TGFBR2: variants seen among roughly 807,000 people sequenced by gnomAD.
TGFBR2 encodes the protein transforming growth factor beta receptor 2, also known as TGF-beta receptor type-2.
In TGFBR2, 18 loss-of-function variants were observed where a neutral mutation model predicts 49.0. The ratio of observed to expected loss-of-function variants is 0.37; its 90% CI spans 0.25 to 0.54. The LOEUF (loss-of-function observed/expected upper bound fraction) is 0.54, where lower values mean the gene tolerates loss of function less well. Ranked by LOEUF, TGFBR2 falls within the 20% of genes least tolerant of loss-of-function variation. The pLI, the probability that TGFBR2 is intolerant of heterozygous loss-of-function variation, is 0.85. For missense variants in TGFBR2, 525 were observed against 722.6 expected, an observed-to-expected ratio of 0.73 and a Z score of 3.13; for synonymous variants, 282 against 275.9, an observed-to-expected ratio of 1.02 and a Z score of -0.22.
intron 5 of TGFBR2, among the ~76,000 whole-genome samples, chr3:30,684,789 T>G (rs1420562765): frequency 6.6e-6 from 1 of 152,210 alleles, no homozygotes; most frequent in Non-Finnish European, 1.5e-5. Context: ...CTGTTTGTTT[T>G]GGGAAGGGAT....
intron 1 of TGFBR2, among the ~76,000 whole-genome samples, chr3:30,628,525 T>TG (rs1166628418): frequency 1.2e-4 from 15 of 122,702 alleles, no homozygotes; most frequent in East Asian, 2.7e-4. Context: ...AAAAAGCCTG[T>TG]GGGTTTTTTT....
chr3:30,615,569 G>A (rs746240340), intron 1 of TGFBR2, among the ~76,000 whole-genome samples: 6 of 152,098 alleles, frequency 3.9e-5, no homozygotes, highest in Non-Finnish European at 8.8e-5. Flanking sequence ...TCTCTCAATA[G>A]AGAATATTGC....
intron 3 of TGFBR2, among the ~76,000 whole-genome samples, chr3:30,650,722 C>T (rs764449858): frequency 4.6e-5 from 7 of 152,074 alleles, no homozygotes; most frequent in African/African-American, 7.2e-5. Context: ...TCTCAAAGTG[C>T]GGCCTCTTGA....
intron 3 of TGFBR2, among the ~76,000 whole-genome samples, chr3:30,655,535 C>T (rs976826870): frequency 5.9e-5 from 9 of 152,190 alleles, no homozygotes; most frequent in African/African-American, 2.2e-4. Flanking sequence ...CTCAGAATCA[C>T]AGCAGGAAGC....
At chr3:30,640,843 G>A (rs1698629936) in intron 1 of TGFBR2, among the ~76,000 whole-genome samples, 1 of 152,146 alleles carries the variant, frequency 6.6e-6, no homozygotes, top group African/African-American at 2.4e-5. Flanking sequence ...TTAATTAGGT[G>A]GGTTTTGTAT....
At chr3:30,690,687 A>G (rs1265526418) in intron 6 of TGFBR2, among the ~76,000 whole-genome samples, 1 of 152,222 alleles carries the variant, frequency 6.6e-6, no homozygotes, top group Non-Finnish European at 1.5e-5. Context: ...CAAAAACTAC[A>G]GAGACAGTAC....
intron 1 of TGFBR2, among the ~76,000 whole-genome samples, chr3:30,618,407 G>A (rs1001472481): frequency 6.6e-6 from 1 of 151,666 alleles, no homozygotes; most frequent in Non-Finnish European, 1.5e-5. Flanking sequence ...TTTTGTTGTT[G>A]TTGTATTTTT....
At chr3:30,620,875 C>T (rs1415878274) in intron 1 of TGFBR2, among the ~76,000 whole-genome samples, 1 of 152,018 alleles carries the variant, frequency 6.6e-6, no homozygotes, top group Non-Finnish European at 1.5e-5. Flanking sequence ...GTAAATAATC[C>T]CATATTGCAA....
In TGFBR2 at chr3:30,644,854, A is replaced by G. The variant is rs1060501985; in HGVS notation, c.202A>G (p.Met68Val). 13 of 1,614,068 alleles carry G rather than the reference A, an allele frequency of 8.1e-6. No individual in the cohort carries two copies. The highest frequency in any genetic ancestry group is 1.7e-5 in the Admixed American group (1 of 59,998). ...FSTCDNQKSC[M>V]SNCSITSICE... ...CACCTGTGACAACCAGAAATCCTGC[A>G]TGAGCAACTGCAGCATCACCTCCAT... The change falls in exon 2 of 7, where the codon ATG becomes GTG. Residue 68 changes from methionine (M) to valine (V), a missense_variant. Coordinates refer to ENST00000295754, the MANE Select transcript of TGFBR2 (RefSeq NM_003242.6).
intron 5 of TGFBR2, among the ~76,000 whole-genome samples, chr3:30,680,910 GGAAGGCGGGT>G (rs1457271036): frequency 6.6e-6 from 1 of 151,934 alleles, no homozygotes; most frequent in Non-Finnish European, 1.5e-5. Context: ...TGTGTTGTGT[GGAAGGCGGGT>G]GAAGGCGGGT....
intron 1 of TGFBR2, among the ~76,000 whole-genome samples, chr3:30,616,244 C>T (rs1222278765): frequency 1.3e-5 from 2 of 152,148 alleles, no homozygotes; most frequent in Non-Finnish European, 2.9e-5. Context: ...CTTCCTCCTT[C>T]CCCCCATTGC....
intron 5 of TGFBR2, among the ~76,000 whole-genome samples, chr3:30,678,546 T>TCAA (rs370795703): frequency 0.46 from 46,389 of 99,952 alleles, 11,746 homozygotes; most frequent in Admixed American, 0.61. Flanking sequence ...AGACTGCGTC[T>TCAA]AAAAAAAAAA....
intron 1 of TGFBR2, among the ~76,000 whole-genome samples, chr3:30,630,373 A>G (rs1698412813): frequency 6.6e-6 from 1 of 152,230 alleles, no homozygotes; most frequent in Non-Finnish European, 1.5e-5. Context: ...AAAACATTTC[A>G]AAGTTTAGAT....
Position 30,608,816 on chromosome 3 carries a change from T to A in TGFBR2, c.94+1839T>A, listed in dbSNP as rs181275100. Among the ~76,000 whole-genome samples the A allele has an allele frequency of 4.5e-3, 681 of 152,352 alleles. 2 individuals are homozygous for A. The highest frequency in any genetic ancestry group is 6.7e-3 in the Non-Finnish European group (455 of 68,038). On this transcript the variant is annotated intron_variant, in intron 1 of 6. Transcript: ENST00000295754. ...TGCAGTACCAGAATGTTCAATTGTC[T>A]CTCATTTTCCTCCAGACTTTTAAAA...
rs529146998 is a variant in TGFBR2, at chr3:30,639,653, T to C, written c.95-5094T>C. ...TTCCATGGATTATTCTTTGAGATGT[T>C]ATTTAATTGTGTCAATTTCAGTGGT... On this transcript the variant is annotated intron_variant, in intron 1 of 6. Coordinates refer to ENST00000295754, the MANE Select transcript of TGFBR2 (RefSeq NM_003242.6). 6.3e-3 allele frequency among the ~76,000 whole-genome samples: 967 copies of C among 152,342 alleles called. 4 individuals carry two copies. Among genetic ancestry groups the C allele is most frequent in the South Asian group, 0.024 (115 of 4,824 alleles).
chr3:30,659,145 C>G (rs376425031), intron 3 of TGFBR2, among the ~76,000 whole-genome samples: 3 of 152,272 alleles, frequency 2.0e-5, no homozygotes, highest in Non-Finnish European at 4.4e-5. Flanking sequence ...TGTGCACTCA[C>G]GCCTCAAAAT....
intron 2 of TGFBR2, 47 bp downstream of exon 2, chr3:30,644,962 A>G (rs770827839): frequency 2.3e-5 from 36 of 1,547,842 alleles, no homozygotes; most frequent in Non-Finnish European, 3.0e-5. Context: ...CCCTTTTTAC[A>G]TAATGTATTC....
intron 1 of TGFBR2, among the ~76,000 whole-genome samples, chr3:30,612,624 T>C (rs1451595604): frequency 6.6e-6 from 1 of 152,204 alleles, no homozygotes; most frequent in East Asian, 1.9e-4. Context: ...GTCTTAGTGG[T>C]AGGACTCATG....
intron 5 of TGFBR2, among the ~76,000 whole-genome samples, chr3:30,675,966 C>T (rs1179138753): frequency 6.6e-6 from 1 of 152,170 alleles, no homozygotes; most frequent in Non-Finnish European, 1.5e-5. Context: ...TCCTTAGTCT[C>T]CTTGACCTTG....
Sources: allele counts gnomAD v4.1 joint callset (sites outside exome capture counted in the v4.1 genomes callset), GRCh38; gene constraint gnomAD v4.1.1; transcripts MANE v1.5; gene names NCBI Gene and HGNC (gene_info 2026-07-23, HGNC 2026-07-21).